The following SOX5 variants were observed in gnomAD, a reference collection of about 807,000 sequenced individuals.
SOX5 encodes SRY-box transcription factor 5.
A neutral mutation model predicts 92.0 loss-of-function variants in SOX5; 9 were observed. The observed-to-expected ratio is 0.10, with a 90% CI of 0.06 to 0.17. The LOEUF (loss-of-function observed/expected upper bound fraction) is 0.17. SOX5 is among the 10% of genes least tolerant of loss of function. The pLI is 1.00. For synonymous variants in SOX5, 344 were observed against 336.3 expected, an observed-to-expected ratio of 1.02 and a Z score of -0.25; for missense variants, 642 against 944.5, an observed-to-expected ratio of 0.68 and a Z score of 4.20.
chr12:23,613,742 A>G (rs1452718222), intron 8 of SOX5, among the ~76,000 whole-genome samples: 2 of 152,216 alleles, frequency 1.3e-5, no homozygotes, highest in African/African-American at 2.4e-5. Flanking sequence ...GTATTATGCT[A>G]TGCTAAGCAA....
intron 4 of SOX5, among the ~76,000 whole-genome samples, chr12:24,072,726 ATAAAT>A (rs1388224285): frequency 1.3e-5 from 2 of 152,244 alleles, no homozygotes; most frequent in Non-Finnish European, 2.9e-5. Context: ...AAAGAGTAAA[ATAAAT>A]TAAAACATTA....
At chr12:23,593,290 T>G (rs145149724) in intron 9 of SOX5, among the ~76,000 whole-genome samples, 1 of 152,132 alleles carries the variant, frequency 6.6e-6, no homozygotes, top group African/African-American at 2.4e-5. Flanking sequence ...GAAGACCTTT[T>G]CTCCCACATT....
At chr12:24,247,575 A>G (rs1939087592) in intron 3 of SOX5, among the ~76,000 whole-genome samples, 1 of 151,932 alleles carries the variant, frequency 6.6e-6, no homozygotes, top group South Asian at 2.1e-4. Flanking sequence ...GGGGTTGGAT[A>G]AGCAGAGCCT....
At chr12:23,949,688 A>G, upstream of SOX5, 1 of 1,599,738 alleles carries the variant, frequency 6.3e-7, no homozygotes, top group Non-Finnish European at 8.5e-7. Flanking sequence ...AACCTTCTAA[A>G]CCAATTGATT....
chr12:24,219,201 CA>C (rs1959798224), intron 3 of SOX5, among the ~76,000 whole-genome samples: 1 of 151,740 alleles, frequency 6.6e-6, no homozygotes, highest in African/African-American at 2.4e-5. Flanking sequence ...TAATAGGGTT[CA>C]AAAATACAGT....
intron 1 of SOX5, among the ~76,000 whole-genome samples, chr12:24,534,371 T>G (rs1284282197): frequency 6.6e-6 from 1 of 152,068 alleles, no homozygotes; most frequent in Non-Finnish European, 1.5e-5. Flanking sequence ...TTTGAAAGAC[T>G]AATGCTTACA....
Position 23,664,577 on chromosome 12 carries a change from A to C in SOX5, c.931+867T>G, listed in dbSNP as rs572720918. Among the ~76,000 whole-genome samples the C allele has an allele frequency of 2.6e-5, 4 of 152,268 alleles. No homozygotes were observed. In the South Asian group the frequency reaches 6.2e-4, roughly 24 times the overall value. Reference sequence around the variant, plus strand: ...ACAGAATACAGTTGGCATTTTGACTATAATTTTTTCAAATGATGTATTTTT... The same window carrying C: ...ACAGAATACAGTTGGCATTTTGACTCTAATTTTTTCAAATGATGTATTTTT... On this transcript the variant is annotated intron_variant, in intron 7 of 14. Coordinates refer to ENST00000451604, the MANE Select transcript of SOX5 (RefSeq NM_006940.6).
intron 4 of SOX5, among the ~76,000 whole-genome samples, chr12:24,020,250 T>A (rs796255859): frequency 4.6e-5 from 7 of 152,262 alleles, no homozygotes; most frequent in African/African-American, 1.7e-4. Context: ...CCCATGATGA[T>A]GTAGTTCAAA....
At chr12:23,975,866 T>G (rs1414511070) in intron 4 of SOX5, among the ~76,000 whole-genome samples, 1 of 152,238 alleles carries the variant, frequency 6.6e-6, no homozygotes, top group Non-Finnish European at 1.5e-5. Flanking sequence ...CCAGGCTTGC[T>G]ACTTAACCTG....
At chr12:23,540,799 G>A (rs753034730) in intron 13 of SOX5, among the ~76,000 whole-genome samples, 1 of 152,158 alleles carries the variant, frequency 6.6e-6, no homozygotes, top group Non-Finnish European at 1.5e-5. Flanking sequence ...CAGAGACTAC[G>A]TAAAATGTCA....
chr12:24,421,832 A>G (rs1318501836), intron 1 of SOX5, among the ~76,000 whole-genome samples: 2 of 152,228 alleles, frequency 1.3e-5, no homozygotes, highest in East Asian at 1.9e-4. Flanking sequence ...TGAGTTGAAG[A>G]ACAGACTGAT....
intron 1 of SOX5, among the ~76,000 whole-genome samples, chr12:24,514,945 A>G (rs1468806202): frequency 1.3e-5 from 2 of 152,182 alleles, no homozygotes; most frequent in Admixed American, 6.5e-5. Flanking sequence ...ACTAATGGGT[A>G]CTAGGCTTAA....
At chr12:24,230,043 C>T (rs1367129603) in intron 3 of SOX5, among the ~76,000 whole-genome samples, 1 of 152,068 alleles carries the variant, frequency 6.6e-6, no homozygotes, top group African/African-American at 2.4e-5. Context: ...CTTTCCTGAA[C>T]GTTAGCCCTA....
In SOX5 at chr12:24,392,924, G is replaced by C. The variant is rs553545155; in HGVS notation, c.-250-24285C>G. The stretch of plus-strand genomic sequence containing the variant: ...TCGGCAAGTCTTCCCATCACACTGG[G>C]CTTTAGGGCCCCCATGTGAGAGCCT... On this transcript the variant is annotated intron_variant, in intron 1 of 4. Coordinates refer to the SOX5 transcript ENST00000446891. Among the ~76,000 whole-genome samples the C allele has an allele frequency of 2.0e-5, 3 of 152,220 alleles. 1 individual carries two copies. The highest frequency in any genetic ancestry group is 7.2e-5 in the African/African-American group (3 of 41,542).
chr12:24,089,139 A>G (rs1944349701), intron 4 of SOX5, among the ~76,000 whole-genome samples: 1 of 152,156 alleles, frequency 6.6e-6, no homozygotes. Context: ...GAAGATAAAA[A>G]TATTAGTGAA....
At chr12:23,979,707 G>GTTTTTTTTTTTTTTT (rs1177945407) in intron 4 of SOX5, among the ~76,000 whole-genome samples, 1 of 77,470 alleles carries the variant, frequency 1.3e-5, no homozygotes, top group Non-Finnish European at 2.2e-5. Flanking sequence ...TGTTTTTTTT[G>GTTTTTTTTTTTTTTT]TTTTTTTTTT....
chr12:23,837,270 AATATGT>A (rs1425133058), intron 3 of SOX5, among the ~76,000 whole-genome samples: 1 of 66,324 alleles, frequency 1.5e-5, no homozygotes, highest in Non-Finnish European at 3.3e-5. Context: ...TATAATATAT[AATATGT>A]ATTTATATTT....
intron 1 of SOX5, among the ~76,000 whole-genome samples, chr12:24,378,207 C>T (rs1566023452): frequency 6.6e-6 from 1 of 152,194 alleles, no homozygotes; most frequent in Admixed American, 6.5e-5. Context: ...TAGAGCTTCC[C>T]TATCCAGGGA....
chr12:23,913,179 A>G (rs2097370452), intron 1 of SOX5, among the ~76,000 whole-genome samples: 1 of 152,164 alleles, frequency 6.6e-6, no homozygotes, highest in Non-Finnish European at 1.5e-5. Flanking sequence ...TTGTTAATTA[A>G]AAGTCAAATA....
Sources: gnomAD v4.1 joint callset for allele counts (sites outside exome capture counted in the v4.1 genomes callset) on GRCh38, gnomAD v4.1.1 for gene constraint, MANE v1.5 for transcripts, NCBI Gene and HGNC (gene_info 2026-07-23, HGNC 2026-07-21) for gene names.